The following RNF213 variants were observed in gnomAD, a reference collection of about 807,000 sequenced individuals.
The protein encoded by RNF213 is ring finger protein 213.
Under a neutral mutation model 514.4 loss-of-function variants are expected in RNF213, and 341 were observed. That is an observed-to-expected ratio of 0.66 (90% CI 0.61 to 0.73). The LOEUF (loss-of-function observed/expected upper bound fraction) is 0.73. RNF213 is among the 30% of genes least tolerant of loss of function. RNF213 has a pLI of 0.00. For synonymous variants in RNF213, 2,655 were observed against 2,658.2 expected (o/e 1.00, Z 0.04); for missense variants, 5,767 against 6,615.6 (o/e 0.87, Z 4.45).
intron 2 of RNF213, among the ~76,000 whole-genome samples, chr17:80,271,783 C>T (rs1264916324): frequency 6.6e-5 from 10 of 150,976 alleles, no homozygotes; most frequent in Non-Finnish European, 1.5e-4. Flanking sequence ...TCAAGACCAG[C>T]CTGACCAACA....
At chr17:80,375,544 A>T (rs1004807546) in intron 50 of RNF213, among the ~76,000 whole-genome samples, 40 of 149,746 alleles carry the variant, frequency 2.7e-4, no homozygotes, top group African/African-American at 8.8e-4. Flanking sequence ...TACTAAAAGA[A>T]AAAAAAAAAG....
chr17:80,396,743 C>T lies in RNF213; in HGVS notation c.*3245C>T, dbSNP rs1290428827. ...AGTGCATTTCCCCCCCACCCCCCCC[C>T]CCCAACCAGAGCAACTTTGGTCAGA... On this transcript the variant is annotated 3_prime_UTR_variant, in exon 68 of 68. Coordinates refer to ENST00000582970, the MANE Select transcript of RNF213 (RefSeq NM_001256071.3). 3.7e-5 allele frequency: 4 copies of T among 108,154 alleles called. No individual in the cohort carries two copies. Among genetic ancestry groups the T allele is most frequent in the African/African-American group, 1.2e-4 (4 of 32,224 alleles). The allele number at this position is 108,154 out of a possible 1,614,324, so 6.7% of individuals were successfully genotyped here.
Position 80,332,574 on chromosome 17 carries a change from CAA to C in RNF213, c.4088_4089del (p.Lys1363ArgfsTer8). Reference sequence around the variant, plus strand: ...ACGCAGCCAAGGTCATCTTGCAGGTCAAAGAGAGCCTGGGACTGAACGGTGAC... The same window carrying C: ...ACGCAGCCAAGGTCATCTTGCAGGTCAGAGAGCCTGGGACTGAACGGTGAC... ...VHAAKVILQV[K>X]ESLGLNGDFS... On this transcript the variant is annotated frameshift_variant, in exon 21 of 68. Transcript: ENST00000582970. LOFTEE classifies it high-confidence loss of function. 1 of 1,533,094 alleles carries C rather than the reference CAA, an allele frequency of 6.5e-7. No homozygotes were observed. The highest frequency in any genetic ancestry group is 2.0e-5 in the Admixed American group (1 of 50,674). 95.0% of individuals were successfully genotyped at this position (1,533,094 alleles called of 1,614,324 possible).
chr17:80,388,630 T>C lies in RNF213; in HGVS notation c.14941T>C (p.Tyr4981His), dbSNP rs140934417. ...AATTTAGGGAATACCCACTCTGGTG[T>C]ACAGACACGACTGGAACTATGAACA... ...LSLKGIPTLVYRHDWNYEHLF... is the reference protein window; with the variant it reads ...LSLKGIPTLVHRHDWNYEHLF... Residue 4981 changes from tyrosine to histidine, a missense_variant, in exon 64 of 68, where the codon TAC (tyrosine) becomes CAC (histidine). By Grantham distance (83) the Tyr-to-His change is moderately conservative (BLOSUM62 2). Coordinates refer to ENST00000582970, the MANE Select transcript of RNF213 (RefSeq NM_001256071.3). 2.5e-6 allele frequency: 4 copies of C among 1,612,444 alleles called. No homozygotes were observed. In the African/African-American group the frequency reaches 4.0e-5, roughly 16 times the overall value.
chr17:80,295,452 C>A, intron 9 of RNF213, 105 bp from the exon 10 acceptor site: 1 of 1,420,860 alleles, frequency 7.0e-7, no homozygotes, highest in Non-Finnish European at 9.8e-7. Context: ...GGTGGTGGGG[C>A]ACGGATGGGG....
chr17:80,358,259 T>A (rs771224297), intron 36 of RNF213, 29 bp from the exon 37 acceptor site: 1 of 1,609,072 alleles, frequency 6.2e-7, no homozygotes, highest in Admixed American at 1.7e-5. Context: ...CTCTGACCCG[T>A]GGTGGCCCAT....
chr17:80,318,876 A>G (rs1320416599), intron 16 of RNF213, among the ~76,000 whole-genome samples: 2 of 152,192 alleles, frequency 1.3e-5, no homozygotes, highest in Non-Finnish European at 2.9e-5. Context: ...CCCGGCCTAT[A>G]TGTAACTGTT....
At chr17:80,294,024 G>T (rs566330389) in intron 8 of RNF213, among the ~76,000 whole-genome samples, 71 of 152,292 alleles carry the variant, frequency 4.7e-4, no homozygotes, top group Non-Finnish European at 9.0e-4. Flanking sequence ...CTGTCCGGGC[G>T]CTTCCCATTT....
At position 80,288,946 on chromosome 17, in the gene RNF213, G is replaced by C. The variant is rs1292640469; in HGVS notation, c.933+191G>C. Among the ~76,000 whole-genome samples the C allele has an allele frequency of 6.6e-6, 1 of 152,246 alleles. No homozygotes were observed. Among genetic ancestry groups the C allele is most frequent in the Non-Finnish European group, 1.5e-5 (1 of 68,048 alleles). ...GAAACCGACTTCAGCGGTGAGAAGA[G>C]CGTGGAGGGAGGGAGAGAGGGCACC... On this transcript the variant is annotated intron_variant, in intron 5 of 67. Coordinates refer to ENST00000582970, the MANE Select transcript of RNF213 (RefSeq NM_001256071.3). The surrounding 1 kb of genome is among the most constrained non-coding windows in gnomAD (Gnocchi z 4.9).
chr17:80,305,197 T>TTTTTTTTTTTTTTTTA (rs1598966815), intron 11 of RNF213, among the ~76,000 whole-genome samples: 1 of 150,914 alleles, frequency 6.6e-6, no homozygotes, highest in African/African-American at 2.5e-5. Context: ...TTTTTTTTTT[T>TTTTTTTTTTTTTTTTA]GAGACAGTTT....
At chr17:80,293,469 A>T (rs2044815016) in intron 8 of RNF213, among the ~76,000 whole-genome samples, 1 of 152,170 alleles carries the variant, frequency 6.6e-6, no homozygotes, top group South Asian at 2.1e-4. Context: ...ATGGAATTCT[A>T]TATATATAAA....
Position 80,353,167 on chromosome 17 carries a change from C to A in RNF213, c.10423+108C>A. 6.7e-7 allele frequency: 1 copy of A among 1,491,048 alleles called. No individual in the cohort carries two copies. Among genetic ancestry groups the A allele is most frequent in the Non-Finnish European group, 9.2e-7 (1 of 1,084,758 alleles). The allele number at this position is 1,491,048 out of a possible 1,614,324, so 92.4% of individuals were successfully genotyped here. On this transcript the variant is annotated intron_variant, in intron 33 of 67. Coordinates refer to ENST00000582970, the MANE Select transcript of RNF213 (RefSeq NM_001256071.3). The surrounding 1 kb of genome is among the most constrained non-coding windows in gnomAD (Gnocchi z 5.0). ...TAGGAGCAGGGCCACCGTGTTTCGTCCCTCGGCAGGAGCTCGGGGACACAT... is the reference window on the plus strand; with the variant it reads ...TAGGAGCAGGGCCACCGTGTTTCGTACCTCGGCAGGAGCTCGGGGACACAT...
chr17:80,380,758 A>G, intron 55 of RNF213, 73 bp from the exon 56 acceptor site: 3 of 1,553,078 alleles, frequency 1.9e-6, no homozygotes, highest in South Asian at 1.1e-5. Flanking sequence ...GCCTCACTCC[A>G]AGTGCTGAGA....
rs1193461456 is a variant in RNF213, at chr17:80,326,888, ATCT to A, written c.3194-924_3194-922del. ...GTTTCTTATGGTGCAGATAAGCTTC[ATCT>A]TCTCCTAATATTGTATGGCTCTAAT... On this transcript the variant is annotated intron_variant, in intron 18 of 67. Transcript: ENST00000582970. Among the ~76,000 whole-genome samples the A allele has an allele frequency of 5.9e-5, 9 of 152,240 alleles. No homozygotes were observed. In the East Asian group the frequency reaches 1.5e-3, roughly 26 times the overall value.
rs779744163 is a variant in RNF213, at chr17:80,363,770, G to C, written c.11730G>C (p.Gln3910His). The C allele has an allele frequency of 1.7e-5, 28 of 1,613,514 alleles. No individual in the cohort carries two copies. In the South Asian group the frequency reaches 3.0e-4, roughly 17 times the overall value. The change falls in exon 41 of 68, where the codon CAG becomes CAC. Residue 3910 changes from glutamine (Q) to histidine (H), a missense_variant. This residue lies in a region of RNF213 where 355 missense variants were observed against 358.0 expected (regional missense o/e 0.99). Transcript: ENST00000582970. The stretch of plus-strand genomic sequence containing the variant: ...TGCAAGGCAGCGGGAGCCTGGCCCA[G>C]GCTGTCATCAGGGAAGTCAGGTGAG... ...EHMQGSGSLAQAVIREVRAQW... is the reference protein window; with the variant it reads ...EHMQGSGSLAHAVIREVRAQW...
At position 80,377,882 on chromosome 17, in the gene RNF213, G is replaced by A. The variant is rs2079825872; in HGVS notation, c.13545+86G>A. The A allele has an allele frequency of 1.4e-6, 2 of 1,474,298 alleles. No individual in the cohort carries two copies. Among genetic ancestry groups the A allele is most frequent in the African/African-American group, 1.4e-5 (1 of 72,244 alleles). 91.3% of individuals were successfully genotyped at this position (1,474,298 alleles called of 1,614,324 possible). A position where few individuals can be genotyped will look rare whatever the true frequency, so the allele number is the denominator to read the frequency against. On this transcript the variant is annotated intron_variant, in intron 54 of 67. Coordinates refer to ENST00000582970, the MANE Select transcript of RNF213 (RefSeq NM_001256071.3). The surrounding 1 kb of genome is among the most constrained non-coding windows in gnomAD (Gnocchi z 4.1). ...GGGGATCGTGGGTCAGGAGAGTGAG[G>A]CTCTCGGCCTTCCAGGAGAGCACAG...
Position 80,353,087 on chromosome 17 carries a change from G to C in RNF213, c.10423+28G>C. Reference sequence around the variant, plus strand: ...GAGTCACGAGGCGGAGCCCCTGGGGGAGCAGGTGGTGGAAGGGCAGATGGC... The same window carrying C: ...GAGTCACGAGGCGGAGCCCCTGGGGCAGCAGGTGGTGGAAGGGCAGATGGC... On this transcript the variant is annotated intron_variant, in intron 33 of 67. Coordinates refer to ENST00000582970, the MANE Select transcript of RNF213 (RefSeq NM_001256071.3). This position sits in a 1 kb window ranked among gnomAD's most constrained non-coding sequence, Gnocchi z 5.0. The C allele has an allele frequency of 1.9e-6, 3 of 1,608,616 alleles. No individual in the cohort carries two copies. Among genetic ancestry groups the C allele is most frequent in the Non-Finnish European group, 2.5e-6 (3 of 1,179,986 alleles).
chr17:80,356,007 CTT>C (rs71365599), intron 36 of RNF213, among the ~76,000 whole-genome samples: 5 of 147,522 alleles, frequency 3.4e-5, no homozygotes, highest in African/African-American at 7.4e-5. Context: ...TCTCTTGATG[CTT>C]TTTTTTTTTT....
intron 18 of RNF213, among the ~76,000 whole-genome samples, chr17:80,325,880 A>G (rs1599028330): frequency 6.6e-6 from 1 of 152,308 alleles, no homozygotes; most frequent in East Asian, 1.9e-4. Context: ...AACTGAATTA[A>G]TATGGGAGTG....
Sources: gnomAD v4.1 joint callset for allele counts (sites outside exome capture counted in the v4.1 genomes callset) on GRCh38, gnomAD v4.1.1 for gene constraint, gnomAD v4.1.1 regional missense constraint, Gnocchi (gnomAD v3.1) non-coding constraint, MANE v1.5 for transcripts, NCBI Gene and HGNC (gene_info 2026-07-23, HGNC 2026-07-21) for gene names.